Variants in ANO2 observed in about 807,000 individuals in gnomAD.
The protein encoded by ANO2 is anoctamin 2.
Under a neutral mutation model 124.2 loss-of-function variants are expected in ANO2, and 101 were observed. The observed-to-expected ratio is 0.81, with a 90% CI of 0.69 to 0.96. The LOEUF (loss-of-function observed/expected upper bound fraction) is 0.96, where lower values mean the gene tolerates loss of function less well. Among genes scored for constraint, ANO2 ranks in the 40% least tolerant of loss-of-function variants. The pLI is 0.00. For synonymous variants in ANO2, 486 were observed against 482.5 expected (o/e 1.01, Z -0.09); for missense variants, 1,293 against 1,274.5 (o/e 1.01, Z -0.22).
chr12:5,826,897 C>T (rs1359285707), intron 7 of ANO2, among the ~76,000 whole-genome samples: 1 of 152,116 alleles, frequency 6.6e-6, no homozygotes, highest in Non-Finnish European at 1.5e-5. Context: ...CTCTTTTCAA[C>T]CTAAAGCTGC....
intron 14 of ANO2, among the ~76,000 whole-genome samples, chr12:5,692,422 C>T (rs987486516): frequency 2.0e-5 from 3 of 152,046 alleles, no homozygotes; most frequent in African/African-American, 7.2e-5. Flanking sequence ...CTGACTTCTT[C>T]GTTGGTTGAT....
chr12:5,882,493 T>C (rs556342768), intron 3 of ANO2, among the ~76,000 whole-genome samples: 11 of 152,214 alleles, frequency 7.2e-5, no homozygotes, highest in Admixed American at 1.3e-4. Context: ...CCCACAGGCA[T>C]AGAGTAGGGA....
At position 5,832,565 on chromosome 12, in the gene ANO2, C is replaced by T. The variant is rs1203285678; in HGVS notation, c.672G>A (p.Lys224=). ...TCAGCTTCTGCAGAGCCGCGCTGAA[C>T]TTCTTTGCAATGCTGCCTCCTGCTT... The part of the protein sequence containing the change: ...EIKAGGSIAK[K]FSAALQKLSS... The change falls in exon 5 of 25, where the codon AAG becomes AAA. Residue 224 remains lysine (K), a synonymous_variant. Transcript: ENST00000682330. 1.9e-6 allele frequency: 3 copies of T among 1,613,856 alleles called. No homozygotes were observed. Among genetic ancestry groups the T allele is most frequent in the South Asian group, 2.2e-5 (2 of 91,082 alleles).
chr12:5,890,901 A>G (rs1168728834), intron 3 of ANO2, among the ~76,000 whole-genome samples: 1 of 152,124 alleles, frequency 6.6e-6, no homozygotes, highest in East Asian at 1.9e-4. Flanking sequence ...CACAGAAAAC[A>G]TTGTTTGCCT....
At chr12:5,650,170 G>A (rs1411591521) in intron 14 of ANO2, among the ~76,000 whole-genome samples, 1 of 152,108 alleles carries the variant, frequency 6.6e-6, no homozygotes, top group Non-Finnish European at 1.5e-5. Context: ...CTGAGGACAC[G>A]CTGAGGAGAA....
chr12:5,834,442 T>G (rs1462496380), intron 4 of ANO2, among the ~76,000 whole-genome samples: 1 of 152,164 alleles, frequency 6.6e-6, no homozygotes, highest in Non-Finnish European at 1.5e-5. Flanking sequence ...ATATATAAAG[T>G]ACTTTGAGGG....
chr12:5,735,141 A>C (rs147475690), intron 13 of ANO2, among the ~76,000 whole-genome samples: 1 of 152,290 alleles, frequency 6.6e-6, no homozygotes, highest in African/African-American at 2.4e-5. Context: ...TGGCCAGAGC[A>C]GAATCCAGCC....
chr12:5,806,055 C>T lies in ANO2; in HGVS notation c.987G>A (p.Arg329=), dbSNP rs370576663. The change falls in exon 9 of 25, where the codon AGG becomes AGA. Residue 329 remains arginine, a synonymous_variant. Coordinates refer to ENST00000682330, the MANE Select transcript of ANO2 (RefSeq NM_001364791.2). ...ATGCTGCACGAGGCAGGCTTACCTT[C>T]CTGTCATTCATATCGTCCTCTGGAC... ...YDSPEDDMND[R]KLLYQEWARY... The T allele has an allele frequency of 1.2e-6, 2 of 1,613,780 alleles. No individual in the cohort carries two copies. The highest frequency in any genetic ancestry group is 1.3e-5 in the African/African-American group (1 of 75,044).
chr12:5,758,553 G>C (rs1198334493), intron 10 of ANO2, among the ~76,000 whole-genome samples: 1 of 152,212 alleles, frequency 6.6e-6, no homozygotes, highest in South Asian at 2.1e-4. Context: ...CAGGCATGCA[G>C]GGACTGCTGA....
At chr12:5,721,062 C>T (rs538179967) in intron 14 of ANO2, among the ~76,000 whole-genome samples, 3 of 152,232 alleles carry the variant, frequency 2.0e-5, no homozygotes, top group South Asian at 2.1e-4. Context: ...CCATGAAGCC[C>T]GAACCACGCT....
intron 4 of ANO2, among the ~76,000 whole-genome samples, chr12:5,833,743 T>C (rs935108235): frequency 1.5e-5 from 2 of 133,584 alleles, no homozygotes; most frequent in African/African-American, 4.9e-5. Context: ...CTAGGTTGCG[T>C]GTTATTTATG....
At chr12:5,854,905 G>A in intron 3 of ANO2, among the ~76,000 whole-genome samples, 1 of 150,500 alleles carries the variant, frequency 6.6e-6, no homozygotes, top group African/African-American at 2.4e-5. Context: ...ATTATGAGAG[G>A]AAGGCACCTC....
intron 14 of ANO2, among the ~76,000 whole-genome samples, chr12:5,710,943 G>A (rs1949790384): frequency 6.6e-6 from 1 of 151,942 alleles, no homozygotes; most frequent in African/African-American, 2.4e-5. Context: ...GGGATCACGA[G>A]GTCAGGAGAT....
chr12:5,715,534 A>G (rs2137045155), intron 14 of ANO2, among the ~76,000 whole-genome samples: 1 of 152,332 alleles, frequency 6.6e-6, no homozygotes, highest in Admixed American at 6.5e-5. Flanking sequence ...ATGATGACCC[A>G]TCTATGCTCC....
chr12:5,651,681 C>T (rs934900875), intron 14 of ANO2, among the ~76,000 whole-genome samples: 18 of 152,312 alleles, frequency 1.2e-4, no homozygotes, highest in African/African-American at 2.9e-4. Flanking sequence ...CATATAACCA[C>T]GACCACAATC....
chr12:5,647,410 A>G (rs1946696186), intron 15 of ANO2, among the ~76,000 whole-genome samples: 1 of 152,208 alleles, frequency 6.6e-6, no homozygotes, highest in Non-Finnish European at 1.5e-5. Flanking sequence ...TCTATCCACA[A>G]ACGTCAGAGA....
intron 6 of ANO2, 42 bp downstream of exon 6, chr12:5,830,393 T>C: frequency 6.3e-7 from 1 of 1,597,946 alleles, no homozygotes; most frequent in South Asian, 1.1e-5. Context: ...ACTCAGCCCT[T>C]TCCCCATCCT....
At chr12:5,735,642 A>G (rs1053171125) in intron 13 of ANO2, among the ~76,000 whole-genome samples, 2 of 152,194 alleles carry the variant, frequency 1.3e-5, no homozygotes, top group African/African-American at 4.8e-5. Flanking sequence ...GGGGAGGCCA[A>G]TCTGAAGACG....
chr12:5,691,479 G>A (rs1207455123), intron 14 of ANO2, among the ~76,000 whole-genome samples: 1 of 152,204 alleles, frequency 6.6e-6, no homozygotes, highest in South Asian at 2.1e-4. Flanking sequence ...GGCTGAGATG[G>A]TGATGAGGAG....
Sources: allele counts gnomAD v4.1 joint callset (sites outside exome capture counted in the v4.1 genomes callset), GRCh38; gene constraint gnomAD v4.1.1; transcripts MANE v1.5; gene names NCBI Gene and HGNC (gene_info 2026-07-23, HGNC 2026-07-21).